BNC2: variants seen among roughly 807,000 people sequenced by gnomAD.
BNC2 encodes the protein basonuclin zinc finger protein 2.
BNC2 carries 20 observed loss-of-function variants against 76.3 expected under a neutral mutation model. The ratio of observed to expected loss-of-function variants is 0.26; its 90% confidence interval spans 0.18 to 0.38. BNC2 has a LOEUF of 0.38. BNC2 is among the 10% of genes least tolerant of loss of function. The pLI, the probability that BNC2 is intolerant of heterozygous loss-of-function variation, is 1.00. For missense variants in BNC2, 1,382 were observed against 1,399.8 expected (o/e 0.99, Z 0.20); for synonymous variants, 582 against 514.8 (o/e 1.13, Z -1.77).
intron 1 of BNC2, among the ~76,000 whole-genome samples, chr9:16,772,931 T>G (rs1825868090): frequency 6.6e-6 from 1 of 152,166 alleles, no homozygotes; most frequent in African/African-American, 2.4e-5. Flanking sequence ...GATACAATAT[T>G]AGAAAAACAG....
chr9:16,838,840 A>G (rs867853333), intron 1 of BNC2, among the ~76,000 whole-genome samples: 10 of 152,226 alleles, frequency 6.6e-5, no homozygotes, highest in Non-Finnish European at 1.2e-4. Flanking sequence ...GGTGATTCCA[A>G]CATGAGTAAA....
intron 3 of BNC2, among the ~76,000 whole-genome samples, chr9:16,669,166 T>C (rs1199575999): frequency 3.9e-5 from 6 of 152,216 alleles, no homozygotes; most frequent in Admixed American, 3.9e-4. Flanking sequence ...AGTTGCATAA[T>C]ATTGTACGTA....
chr9:16,706,903 T>C (rs1025897167), intron 3 of BNC2, among the ~76,000 whole-genome samples: 1 of 152,220 alleles, frequency 6.6e-6, no homozygotes, highest in African/African-American at 2.4e-5. Context: ...GTTTAATCTA[T>C]ATAAAATACA....
intron 1 of BNC2, among the ~76,000 whole-genome samples, chr9:16,837,355 T>C (rs1818730779): frequency 6.6e-6 from 1 of 151,836 alleles, no homozygotes; most frequent in Non-Finnish European, 1.5e-5. Context: ...AATACAAAAA[T>C]TAGCCGAGCG....
chr9:16,575,509 C>A, intron 4 of BNC2: 1 of 884,688 alleles, frequency 1.1e-6, no homozygotes, highest in Non-Finnish European at 1.4e-6. Flanking sequence ...TTAAGGAGTG[C>A]AAAGCACCAT....
intron 1 of BNC2, among the ~76,000 whole-genome samples, chr9:16,745,102 G>A (rs7038545): frequency 0.86 from 130,945 of 152,228 alleles, 56,723 homozygotes; most frequent in Non-Finnish European, 0.91. Context: ...GTTCATCTCT[G>A]AAGTGGAAAT....
intron 3 of BNC2, among the ~76,000 whole-genome samples, chr9:16,629,167 C>T (rs1316791604): frequency 6.6e-6 from 1 of 152,172 alleles, no homozygotes; most frequent in Non-Finnish European, 1.5e-5. Context: ...TTTATGTTTA[C>T]TTTTATTGCC....
At chr9:16,448,320 G>A (rs570260712) in intron 5 of BNC2, among the ~76,000 whole-genome samples, 2 of 152,182 alleles carry the variant, frequency 1.3e-5, no homozygotes, top group South Asian at 4.1e-4. Flanking sequence ...CTGAAAAACA[G>A]CAAAAATAGG....
chr9:16,653,256 C>T (rs563084530), intron 3 of BNC2, among the ~76,000 whole-genome samples: 1 of 152,068 alleles, frequency 6.6e-6, no homozygotes, highest in Non-Finnish European at 1.5e-5. Context: ...CAGTTGATTA[C>T]TCTTCCCCAT....
chr9:16,771,453 C>T (rs1825829029), intron 1 of BNC2, among the ~76,000 whole-genome samples: 1 of 152,210 alleles, frequency 6.6e-6, no homozygotes, highest in Non-Finnish European at 1.5e-5. Context: ...TTAAATACTG[C>T]TATATGGCAC....
At chr9:16,643,631 CT>C (rs1037994177) in intron 3 of BNC2, among the ~76,000 whole-genome samples, 1 of 151,876 alleles carries the variant, frequency 6.6e-6, no homozygotes, top group East Asian at 1.9e-4. Flanking sequence ...GAATTCTTTG[CT>C]TTTTTTGCAT....
chr9:16,648,343 T>C (rs1269115972), intron 3 of BNC2, among the ~76,000 whole-genome samples: 2 of 152,174 alleles, frequency 1.3e-5, no homozygotes, highest in East Asian at 3.9e-4. Flanking sequence ...CAGTAGAACA[T>C]CAGGACACCA....
intron 4 of BNC2, among the ~76,000 whole-genome samples, chr9:16,561,642 A>G (rs1819019587): frequency 6.6e-6 from 1 of 152,132 alleles, no homozygotes; most frequent in Non-Finnish European, 1.5e-5. Flanking sequence ...CTTATATTCT[A>G]TATGGTACAC....
intron 3 of BNC2, among the ~76,000 whole-genome samples, chr9:16,614,147 T>C (rs749625486): frequency 6.6e-6 from 1 of 152,188 alleles, no homozygotes; most frequent in Non-Finnish European, 1.5e-5. Flanking sequence ...AAATGTTAAA[T>C]TTCACTGTCA....
chr9:16,649,376 G>C (rs1015230500), intron 3 of BNC2, among the ~76,000 whole-genome samples: 10 of 152,286 alleles, frequency 6.6e-5, no homozygotes, highest in African/African-American at 2.4e-4. Flanking sequence ...TGCTTTCTCA[G>C]ACCCTTATAA....
At chr9:16,439,858 T>C (rs1260860731) in intron 5 of BNC2, among the ~76,000 whole-genome samples, 2 of 152,290 alleles carry the variant, frequency 1.3e-5, no homozygotes, top group South Asian at 2.1e-4. Flanking sequence ...AACACAGATG[T>C]CCCTCCTTCA....
intron 1 of BNC2, 81 bp downstream of exon 1, chr9:16,870,565 C>A: frequency 6.6e-7 from 1 of 1,523,962 alleles, no homozygotes; most frequent in Non-Finnish European, 9.0e-7. Flanking sequence ...GGCCCCCGGG[C>A]GGCCCCGGTG....
intron 3 of BNC2, among the ~76,000 whole-genome samples, chr9:16,717,299 C>G (rs1483247304): frequency 6.6e-6 from 1 of 152,004 alleles, no homozygotes; most frequent in Admixed American, 6.6e-5. Flanking sequence ...TTGTTGTAAT[C>G]CAAGACTAAA....
chr9:16,796,264 A>G (rs762891101), intron 1 of BNC2, among the ~76,000 whole-genome samples: 76 of 152,370 alleles, frequency 5.0e-4, no homozygotes, highest in Admixed American at 6.5e-4. Flanking sequence ...TTAATATAGC[A>G]TAAGTATAAT....
Sources: allele counts gnomAD v4.1 joint callset (sites outside exome capture counted in the v4.1 genomes callset), GRCh38; gene constraint gnomAD v4.1.1; transcripts MANE v1.5; gene names NCBI Gene and HGNC (gene_info 2026-07-23, HGNC 2026-07-21).